UBE2E2: variants seen among roughly 807,000 people sequenced by gnomAD.
The protein encoded by UBE2E2 is ubiquitin-conjugating enzyme E2 E2.
A neutral mutation model predicts 24.7 loss-of-function variants in UBE2E2; 6 were observed. The ratio of observed to expected loss-of-function variants is 0.24; its 90% CI spans 0.13 to 0.48. UBE2E2 has a LOEUF of 0.48. Among genes scored for constraint, UBE2E2 ranks in the 20% least tolerant of loss-of-function variants. UBE2E2 has a pLI of 0.99. For missense variants in UBE2E2, 169 were observed against 245.0 expected (o/e 0.69, Z 2.07); for synonymous variants, 104 against 83.6 (o/e 1.24, Z -1.33).
intron 3 of UBE2E2, among the ~76,000 whole-genome samples, chr3:23,327,520 G>A (rs1049499985): frequency 2.6e-5 from 4 of 152,092 alleles, no homozygotes; most frequent in Non-Finnish European, 5.9e-5. Flanking sequence ...AACTCCTTAA[G>A]CAGCCTTTTA....
At chr3:23,375,857 G>T (rs1006418164) in intron 3 of UBE2E2, among the ~76,000 whole-genome samples, 1 of 152,092 alleles carries the variant, frequency 6.6e-6, no homozygotes, top group East Asian at 1.9e-4. Context: ...CTTTCCTTCT[G>T]TACTGTAGAT....
At chr3:23,487,557 T>A (rs1211311704) in intron 3 of UBE2E2, among the ~76,000 whole-genome samples, 2 of 152,216 alleles carry the variant, frequency 1.3e-5, no homozygotes, top group Admixed American at 1.3e-4. Flanking sequence ...TAAACTTACA[T>A]AGCCATTACT....
At chr3:23,306,631 G>A (rs1433618544) in intron 3 of UBE2E2, among the ~76,000 whole-genome samples, 1 of 152,178 alleles carries the variant, frequency 6.6e-6, no homozygotes, top group African/African-American at 2.4e-5. Context: ...ACTGATTGAT[G>A]ATTTATGGCC....
intron 3 of UBE2E2, among the ~76,000 whole-genome samples, chr3:23,355,134 AAAAC>A (rs1252288898): frequency 2.4e-4 from 36 of 151,924 alleles, no homozygotes; most frequent in East Asian, 2.3e-3. Context: ...CAAGGACAGA[AAAAC>A]AAACACCTCA....
chr3:23,498,559 C>T (rs984397591), intron 3 of UBE2E2, among the ~76,000 whole-genome samples: 3 of 152,104 alleles, frequency 2.0e-5, no homozygotes, highest in Non-Finnish European at 2.9e-5. Flanking sequence ...TTGGTATCTC[C>T]CTCCATTTAT....
At chr3:23,299,262 T>G (rs930636184) in intron 3 of UBE2E2, among the ~76,000 whole-genome samples, 5 of 152,132 alleles carry the variant, frequency 3.3e-5, no homozygotes, top group African/African-American at 9.7e-5. Context: ...CTTTTGAAGG[T>G]TTTTTTGTGT....
chr3:23,516,192 A>G (rs536470725), intron 4 of UBE2E2, among the ~76,000 whole-genome samples: 1 of 152,332 alleles, frequency 6.6e-6, no homozygotes, highest in South Asian at 2.1e-4. Flanking sequence ...TTTTCCCTCA[A>G]AAGATTGTGT....
At chr3:23,393,163 T>TG (rs36086737) in intron 3 of UBE2E2, among the ~76,000 whole-genome samples, 10,995 of 152,204 alleles carry the variant, frequency 0.072, 515 homozygotes, top group Non-Finnish European at 0.088. Flanking sequence ...GATGATAGCT[T>TG]GGACTAAGGT....
intron 3 of UBE2E2, among the ~76,000 whole-genome samples, chr3:23,228,764 C>T (rs113777990): frequency 1.3e-5 from 2 of 152,210 alleles, no homozygotes; most frequent in Admixed American, 6.5e-5. Flanking sequence ...TATCTCAATC[C>T]GTATTTGTGT....
chr3:23,498,689 T>A (rs966142704), intron 3 of UBE2E2, among the ~76,000 whole-genome samples: 1 of 152,168 alleles, frequency 6.6e-6, no homozygotes, highest in Non-Finnish European at 1.5e-5. Flanking sequence ...CATTTAAAAA[T>A]ACATTTTCTA....
chr3:23,260,602 C>G (rs559560099), intron 3 of UBE2E2, among the ~76,000 whole-genome samples: 1 of 152,170 alleles, frequency 6.6e-6, no homozygotes, highest in South Asian at 2.1e-4. Flanking sequence ...TGCTTGAGTT[C>G]AGGAGTTCAA....
chr3:23,458,235 G>A (rs1698723979), intron 3 of UBE2E2, among the ~76,000 whole-genome samples: 1 of 152,020 alleles, frequency 6.6e-6, no homozygotes, highest in Non-Finnish European at 1.5e-5. Context: ...CAGGGAACAG[G>A]AAGGCCCAAG....
chr3:23,547,782 T>C (rs1363881583), intron 5 of UBE2E2, among the ~76,000 whole-genome samples: 1 of 152,232 alleles, frequency 6.6e-6, no homozygotes, highest in Non-Finnish European at 1.5e-5. Context: ...CCCATGTGGC[T>C]GTCACATTCT....
intron 3 of UBE2E2, among the ~76,000 whole-genome samples, chr3:23,425,473 A>C (rs1697904290): frequency 6.6e-6 from 1 of 152,208 alleles, no homozygotes; most frequent in Non-Finnish European, 1.5e-5. Flanking sequence ...TCATTACGTC[A>C]AAAAATAAAC....
intron 3 of UBE2E2, among the ~76,000 whole-genome samples, chr3:23,222,232 CTTTA>C (rs1378330183): frequency 1.3e-5 from 2 of 152,076 alleles, no homozygotes; most frequent in African/African-American, 4.8e-5. Context: ...ACCACATTTT[CTTTA>C]TTCATTCATT....
At chr3:23,534,344 TCC>T in intron 5 of UBE2E2, 1 of 604,404 alleles carries the variant, frequency 1.7e-6, no homozygotes, top group Non-Finnish European at 2.1e-6. Flanking sequence ...TTTTTTTTGC[TCC>T]GTTTCAGAAA....
chr3:23,295,414 A>G (rs897123980), intron 3 of UBE2E2, among the ~76,000 whole-genome samples: 1 of 152,294 alleles, frequency 6.6e-6, no homozygotes, highest in South Asian at 2.1e-4. Context: ...TCCTCTAAAG[A>G]GGGCTGCAAG....
chr3:23,503,332 G>A (rs1278170333), intron 4 of UBE2E2, among the ~76,000 whole-genome samples: 1 of 151,822 alleles, frequency 6.6e-6, no homozygotes, highest in Non-Finnish European at 1.5e-5. Context: ...TGGGATTACA[G>A]GCACCTGCCA....
chr3:23,570,600 A>G (rs957053999), intron 5 of UBE2E2, among the ~76,000 whole-genome samples: 1 of 152,212 alleles, frequency 6.6e-6, no homozygotes, highest in Non-Finnish European at 1.5e-5. Flanking sequence ...TAAATTTCAT[A>G]TAGCCAGCTG....
Sources: allele counts gnomAD v4.1 joint callset (sites outside exome capture counted in the v4.1 genomes callset), GRCh38; gene constraint gnomAD v4.1.1; transcripts MANE v1.5; gene names NCBI Gene and HGNC (gene_info 2026-07-23, HGNC 2026-07-21).